The following SLC14A2 variants were observed in gnomAD, a reference collection of about 807,000 sequenced individuals.
SLC14A2 encodes the protein urea transporter 2.
Under a neutral mutation model 104.6 loss-of-function variants are expected in SLC14A2, and 91 were observed. That is an observed-to-expected ratio of 0.87 (90% CI 0.73 to 1.04). The LOEUF (loss-of-function observed/expected upper bound fraction) is 1.04, where lower values mean the gene tolerates loss of function less well. Ranked by LOEUF, SLC14A2 falls within the 50% of genes least tolerant of loss-of-function variation. The pLI is 0.00. For missense variants in SLC14A2, 1,189 were observed against 1,156.0 expected, an observed-to-expected ratio of 1.03 and a Z score of -0.41; for synonymous variants, 476 against 466.4, an observed-to-expected ratio of 1.02 and a Z score of -0.27.
chr18:45,643,869 C>T, intron 9 of SLC14A2, 117 bp from the exon 10 acceptor site: 1 of 874,486 alleles, frequency 1.1e-6, no homozygotes, highest in Non-Finnish European at 1.8e-6. Flanking sequence ...ATATCAATGC[C>T]TTCACTGGAG....
chr18:45,682,276 G>T (rs1192507204), intron 19 of SLC14A2, 43 bp from the exon 20 acceptor site: 1 of 1,569,052 alleles, frequency 6.4e-7, no homozygotes. Context: ...AAATGCACAG[G>T]CACCTGATGT....
At position 45,682,682 on chromosome 18, in the gene SLC14A2, T is replaced by C. The variant is rs2046329245; in HGVS notation, c.*163T>C. On this transcript the variant is annotated 3_prime_UTR_variant, in exon 20 of 20. Coordinates refer to ENST00000255226, the MANE Select transcript of SLC14A2 (RefSeq NM_007163.4). ...TCACCATTCCAGAACCTCTCTTTTC[T>C]AAGATGCACAACACTTATCAAAGAT... The C allele has an allele frequency of 1.6e-6, 1 of 634,882 alleles. No homozygotes were observed. The highest frequency in any genetic ancestry group is 2.9e-6 in the Non-Finnish European group (1 of 350,818). The allele number at this position is 634,882 out of a possible 1,614,324, so 39.3% of individuals were successfully genotyped here.
At chr18:45,562,798 G>T (rs968447059) in intron 2 of SLC14A2, among the ~76,000 whole-genome samples, 28 of 152,292 alleles carry the variant, frequency 1.8e-4, no homozygotes, top group African/African-American at 6.5e-4. Context: ...TCTCCCTGGG[G>T]GGAAGGGGCT....
At chr18:45,664,058 G>C in intron 11 of SLC14A2, 151 bp downstream of exon 11, 1 of 776,674 alleles carries the variant, frequency 1.3e-6, no homozygotes, top group East Asian at 3.0e-5. Context: ...CAAGGCCACA[G>C]TTCCCCGAAT....
intron 1 of SLC14A2, among the ~76,000 whole-genome samples, chr18:45,440,081 T>C (rs972695631): frequency 7.2e-5 from 11 of 152,118 alleles, no homozygotes; most frequent in Non-Finnish European, 1.3e-4. Context: ...AAGAGGCCTG[T>C]GTAGGTTGAT....
chr18:45,572,978 A>T (rs1162876367), intron 2 of SLC14A2, among the ~76,000 whole-genome samples: 5 of 152,236 alleles, frequency 3.3e-5, no homozygotes, highest in Non-Finnish European at 7.3e-5. Context: ...GGCAGTTAAA[A>T]AACCAAGTGG....
chr18:45,471,255 A>G (rs887402495), intron 1 of SLC14A2, among the ~76,000 whole-genome samples: 10 of 152,178 alleles, frequency 6.6e-5, no homozygotes, highest in African/African-American at 1.9e-4. Flanking sequence ...AAACTCTGGC[A>G]CCAACCTAAT....
intron 1 of SLC14A2, among the ~76,000 whole-genome samples, chr18:45,362,196 G>T (rs538073255): frequency 6.6e-6 from 1 of 152,218 alleles, no homozygotes; most frequent in Admixed American, 6.5e-5. Context: ...CTTCCACCAC[G>T]ATTGTAAGTT....
intron 1 of SLC14A2, among the ~76,000 whole-genome samples, chr18:45,310,398 C>A (rs1223524365): frequency 6.6e-6 from 1 of 152,096 alleles, no homozygotes; most frequent in Non-Finnish European, 1.5e-5. Context: ...TTGTTTTGGG[C>A]AAAACAGGCA....
intron 1 of SLC14A2, among the ~76,000 whole-genome samples, chr18:45,622,412 A>C (rs976792955): frequency 6.6e-6 from 1 of 152,206 alleles, no homozygotes; most frequent in Non-Finnish European, 1.5e-5. Flanking sequence ...GGAAGGCAAC[A>C]TGATGAGTTG....
upstream of SLC14A2, among the ~76,000 whole-genome samples, chr18:45,614,546 G>A (rs1267622829): frequency 1.3e-5 from 2 of 152,176 alleles, no homozygotes; most frequent in African/African-American, 2.4e-5. Context: ...GCTATACCCT[G>A]CAAAGCCACA....
chr18:45,537,815 G>A, intron 2 of SLC14A2, among the ~76,000 whole-genome samples: 1 of 152,204 alleles, frequency 6.6e-6, no homozygotes, highest in East Asian at 1.9e-4. Context: ...TGGAGCAGCA[G>A]GTTGGGAGAT....
chr18:45,427,013 G>T (rs2086443299), intron 1 of SLC14A2, among the ~76,000 whole-genome samples: 1 of 152,074 alleles, frequency 6.6e-6, no homozygotes. Context: ...TAGAGTTGGG[G>T]AAATATTTGT....
chr18:45,497,138 G>GTA (rs571483214), intron 2 of SLC14A2, among the ~76,000 whole-genome samples: 2 of 152,072 alleles, frequency 1.3e-5, no homozygotes, highest in South Asian at 4.1e-4. Flanking sequence ...GTGTATATGT[G>GTA]TATATATACA....
chr18:45,204,243 A>T, the SLC14A2 span, among the ~76,000 whole-genome samples: 1 of 152,210 alleles, frequency 6.6e-6, no homozygotes, highest in African/African-American at 2.4e-5. Context: ...GGCTCCCGTC[A>T]GGAGAACAAG....
upstream of SLC14A2, among the ~76,000 whole-genome samples, chr18:45,610,950 G>A (rs1042996358): frequency 4.6e-5 from 7 of 152,302 alleles, 1 homozygote; most frequent in Admixed American, 1.3e-4. Context: ...TTAAAGGAGT[G>A]TAGGTTTACT....
intron 2 of SLC14A2, among the ~76,000 whole-genome samples, chr18:45,596,772 T>A (rs1278326000): frequency 6.6e-6 from 1 of 152,192 alleles, no homozygotes; most frequent in Admixed American, 6.5e-5. Context: ...TTATGAAACT[T>A]AATACAGCTA....
chr18:45,258,125 A>C (rs1324417558), intron 1 of SLC14A2, among the ~76,000 whole-genome samples: 1 of 145,244 alleles, frequency 6.9e-6, no homozygotes, highest in Non-Finnish European at 1.5e-5. Context: ...ATAACCCCCA[A>C]GGCATAAAAG....
intron 2 of SLC14A2, among the ~76,000 whole-genome samples, chr18:45,593,178 C>T (rs2044674182): frequency 1.3e-5 from 2 of 151,860 alleles, no homozygotes; most frequent in East Asian, 3.9e-4. Context: ...ATTAGCCGGG[C>T]GTGGTGGCGG....
Sources: allele counts gnomAD v4.1 joint callset (sites outside exome capture counted in the v4.1 genomes callset), GRCh38; gene constraint gnomAD v4.1.1; transcripts MANE v1.5; gene names NCBI Gene and HGNC (gene_info 2026-07-23, HGNC 2026-07-21).